Variants in PPP3CA observed in about 807,000 individuals in gnomAD.
PPP3CA encodes protein phosphatase 3 catalytic subunit alpha.
A neutral mutation model predicts 66.5 loss-of-function variants in PPP3CA; 14 were observed. The ratio of observed to expected loss-of-function variants is 0.21; its 90% CI spans 0.14 to 0.33. The LOEUF is 0.33. PPP3CA is among the 10% of genes least tolerant of loss of function. The probability of loss-of-function intolerance (pLI) is 1.00; values close to 1 mark genes in which losing one functional copy is unlikely to be tolerated. For missense variants in PPP3CA, 317 were observed against 639.5 expected, an observed-to-expected ratio of 0.50 and a Z score of 5.44; for synonymous variants, 232 against 226.2, an observed-to-expected ratio of 1.03 and a Z score of -0.23.
intron 1 of PPP3CA, among the ~76,000 whole-genome samples, chr4:101,229,244 C>A (rs1725881921): frequency 6.6e-6 from 1 of 151,204 alleles, no homozygotes; most frequent in African/African-American, 2.4e-5. Context: ...TTTACACTCA[C>A]ACACACACAC....
chr4:101,066,006 C>G (rs1406368421), intron 8 of PPP3CA, among the ~76,000 whole-genome samples: 1 of 152,028 alleles, frequency 6.6e-6, no homozygotes, highest in Admixed American at 6.6e-5. Context: ...ATGTGTGGCC[C>G]TTTACAAACA....
rs562359991 is a variant in PPP3CA, at chr4:101,106,625, C to T, written c.384+2329G>A. 2.5e-4 allele frequency among the ~76,000 whole-genome samples: 38 copies of T among 152,176 alleles called. No individual in the cohort carries two copies. The South Asian group carries it at 3.1e-3, about 12-fold the overall frequency. ...AGTCTTCCTTAATCCTGGCCACATA[C>T]GAAATCACCTATGGCCATATCAGCA... is the stretch of plus-strand genomic sequence containing the variant. On this transcript the variant is annotated intron_variant, in intron 3 of 13. Coordinates refer to ENST00000394854, the MANE Select transcript of PPP3CA (RefSeq NM_000944.5).
At chr4:101,064,014 A>C (rs1441702765) in intron 8 of PPP3CA, among the ~76,000 whole-genome samples, 2 of 151,958 alleles carry the variant, frequency 1.3e-5, no homozygotes, top group East Asian at 3.9e-4. Flanking sequence ...TTGAAATTAT[A>C]ATCTATTATC....
intron 1 of PPP3CA, among the ~76,000 whole-genome samples, chr4:101,292,639 C>T (rs1728066150): frequency 2.0e-5 from 3 of 152,204 alleles, no homozygotes; most frequent in Admixed American, 6.5e-5. Context: ...TGCCACAGAA[C>T]TCCTTAATCA....
intron 1 of PPP3CA, among the ~76,000 whole-genome samples, chr4:101,295,307 CAAAAA>C (rs527366396): frequency 1.2e-4 from 5 of 42,054 alleles, no homozygotes; most frequent in South Asian, 8.9e-4. Context: ...GACTCCGTCT[CAAAAA>C]AAAAAAAAAA....
intron 1 of PPP3CA, among the ~76,000 whole-genome samples, chr4:101,231,583 G>GA (rs1314385685): frequency 6.6e-6 from 1 of 151,492 alleles, no homozygotes; most frequent in Non-Finnish European, 1.5e-5. Flanking sequence ...AGGCTTTGAT[G>GA]AAAAAAATAC....
intron 1 of PPP3CA, among the ~76,000 whole-genome samples, chr4:101,322,541 G>A (rs570632237): frequency 6.6e-6 from 1 of 151,690 alleles, no homozygotes; most frequent in African/African-American, 2.4e-5. Context: ...CTCCCAAGTA[G>A]CTGGGATTAC....
chr4:101,212,917 G>A (rs1257314195), intron 1 of PPP3CA, among the ~76,000 whole-genome samples: 2 of 152,034 alleles, frequency 1.3e-5, no homozygotes, highest in South Asian at 4.1e-4. Flanking sequence ...TTTATGGCAA[G>A]TTTTCTTAGC....
At chr4:101,124,775 GAAAGAA>G (rs1553926688) in intron 2 of PPP3CA, among the ~76,000 whole-genome samples, 1 of 129,830 alleles carries the variant, frequency 7.7e-6, no homozygotes, top group Non-Finnish European at 1.6e-5. Context: ...AAGAAAGAAA[GAAAGAA>G]AGAAAGAAAG....
At chr4:101,230,519 CAAAT>C (rs916980128) in intron 1 of PPP3CA, among the ~76,000 whole-genome samples, 2 of 151,326 alleles carry the variant, frequency 1.3e-5, no homozygotes, top group Non-Finnish European at 3.0e-5. Flanking sequence ...AGACCCGTTT[CAAAT>C]AAATAAATAC....
At chr4:101,206,029 C>G (rs1725120064) in intron 1 of PPP3CA, among the ~76,000 whole-genome samples, 1 of 152,182 alleles carries the variant, frequency 6.6e-6, no homozygotes, top group African/African-American at 2.4e-5. Flanking sequence ...CGGGTAGGCT[C>G]TAGAGCAGGC....
intron 8 of PPP3CA, among the ~76,000 whole-genome samples, chr4:101,079,414 T>C (rs559368716): frequency 1.3e-5 from 2 of 151,164 alleles, no homozygotes; most frequent in African/African-American, 2.4e-5. Context: ...AGTCTCGCTC[T>C]GTCGCCCAGG....
chr4:101,314,199 C>G (rs1319166794), intron 1 of PPP3CA, among the ~76,000 whole-genome samples: 1 of 152,158 alleles, frequency 6.6e-6, no homozygotes, highest in Non-Finnish European at 1.5e-5. Flanking sequence ...AACACTTGTA[C>G]TGACAACATT....
intron 1 of PPP3CA, among the ~76,000 whole-genome samples, chr4:101,292,729 T>A (rs546582105): frequency 2.6e-5 from 4 of 152,176 alleles, no homozygotes; most frequent in African/African-American, 9.7e-5. Flanking sequence ...GTCCTTAGGA[T>A]AGGGCAAACA....
At chr4:101,060,377 T>C (rs1446829991) in intron 10 of PPP3CA, among the ~76,000 whole-genome samples, 1 of 152,110 alleles carries the variant, frequency 6.6e-6, no homozygotes, top group African/African-American at 2.4e-5. Context: ...ACTGTACTTC[T>C]TAAATGCAGT....
chr4:101,036,488 T>G (rs1727257492), intron 11 of PPP3CA, among the ~76,000 whole-genome samples: 1 of 152,234 alleles, frequency 6.6e-6, no homozygotes, highest in African/African-American at 2.4e-5. Context: ...CTCGGCTCAC[T>G]GCAAGCCCCG....
At chr4:101,178,861 C>T (rs570755903) in intron 2 of PPP3CA, among the ~76,000 whole-genome samples, 19 of 152,124 alleles carry the variant, frequency 1.2e-4, no homozygotes, top group African/African-American at 4.1e-4. Flanking sequence ...GTCCTAATTC[C>T]TCAGATTCAA....
intron 1 of PPP3CA, among the ~76,000 whole-genome samples, chr4:101,269,231 T>C (rs1377899073): frequency 6.6e-6 from 1 of 152,104 alleles, no homozygotes; most frequent in Non-Finnish European, 1.5e-5. Context: ...TAATTCACCA[T>C]ATACCCTTAT....
intron 1 of PPP3CA, among the ~76,000 whole-genome samples, chr4:101,199,737 C>T (rs1364624273): frequency 1.3e-5 from 2 of 152,086 alleles, no homozygotes; most frequent in Non-Finnish European, 2.9e-5. Context: ...TGTGGAAATC[C>T]GGCAGAGACT....
Sources: gnomAD v4.1 joint callset for allele counts (sites outside exome capture counted in the v4.1 genomes callset) on GRCh38, gnomAD v4.1.1 for gene constraint, MANE v1.5 for transcripts, NCBI Gene and HGNC (gene_info 2026-07-23, HGNC 2026-07-21) for gene names.